Variants in DOCK4 observed in about 807,000 individuals in gnomAD.
The protein encoded by DOCK4 is dedicator of cytokinesis 4.
In DOCK4, 97 loss-of-function variants were observed where a neutral mutation model predicts 268.1. The observed-to-expected ratio is 0.36, with a 90% CI of 0.31 to 0.43. The LOEUF is 0.43. Ranked by LOEUF, DOCK4 falls within the 20% of genes least tolerant of loss-of-function variation. DOCK4 has a pLI of 1.00. For missense variants in DOCK4, 2,145 were observed against 2,455.7 expected, an observed-to-expected ratio of 0.87 and a Z score of 2.67; for synonymous variants, 954 against 887.2, an observed-to-expected ratio of 1.08 and a Z score of -1.34.
intron 7 of DOCK4, among the ~76,000 whole-genome samples, chr7:111,982,213 G>T (rs558152941): frequency 3.7e-4 from 57 of 152,260 alleles, no homozygotes; most frequent in African/African-American, 1.3e-3. Flanking sequence ...AGGTGTTCTT[G>T]GTGATGGAAG....
chr7:112,050,255 T>C lies in DOCK4; in HGVS notation c.38-46124A>G, dbSNP rs148618437. ...ACTGGTCATCTTTGAACCAGTCTTGTTTGTATTTAAGTTTTAAGGGAGGTC... is the reference window on the plus strand; with the variant it reads ...ACTGGTCATCTTTGAACCAGTCTTGCTTGTATTTAAGTTTTAAGGGAGGTC... On this transcript the variant is annotated intron_variant, in intron 1 of 52. Coordinates refer to ENST00000428084, the MANE Select transcript of DOCK4 (RefSeq NM_001363540.2). 2.0e-3 allele frequency among the ~76,000 whole-genome samples: 300 copies of C among 152,214 alleles called. 1 individual carries two copies. Among genetic ancestry groups the C allele is most frequent in the African/African-American group, 6.8e-3 (282 of 41,556 alleles).
At chr7:112,105,731 T>C (rs1293450705) in intron 1 of DOCK4, among the ~76,000 whole-genome samples, 1 of 146,642 alleles carries the variant, frequency 6.8e-6, no homozygotes, top group Non-Finnish European at 1.5e-5. Flanking sequence ...GTCTGTCACC[T>C]AGGCTGGAGT....
chr7:112,186,943 T>C (rs1425247672), intron 1 of DOCK4, among the ~76,000 whole-genome samples: 1 of 152,100 alleles, frequency 6.6e-6, no homozygotes, highest in African/African-American at 2.4e-5. Context: ...AAATAGATTG[T>C]CCAGGGAGGA....
intron 1 of DOCK4, among the ~76,000 whole-genome samples, chr7:112,066,149 C>T (rs1213583693): frequency 6.6e-6 from 1 of 152,132 alleles, no homozygotes; most frequent in African/African-American, 2.4e-5. Flanking sequence ...AGGAAGAGAA[C>T]AGCATTTGAA....
At chr7:112,026,756 T>C (rs993768135) in intron 1 of DOCK4, among the ~76,000 whole-genome samples, 2 of 152,252 alleles carry the variant, frequency 1.3e-5, no homozygotes, top group Non-Finnish European at 2.9e-5. Flanking sequence ...AGAGATTATA[T>C]GGCCCCCAAA....
At chr7:111,732,700 C>A (rs999374097) in intron 51 of DOCK4, among the ~76,000 whole-genome samples, 1 of 152,186 alleles carries the variant, frequency 6.6e-6, no homozygotes, top group South Asian at 2.1e-4. Context: ...ATGGGAACAC[C>A]ATGGCCACCC....
intron 12 of DOCK4, among the ~76,000 whole-genome samples, chr7:111,916,754 CTTCT>C (rs758054757): frequency 1.7e-4 from 26 of 151,858 alleles, no homozygotes; most frequent in Admixed American, 3.3e-4. Context: ...TTTTTCATTC[CTTCT>C]TTGTTTATCT....
intron 23 of DOCK4, among the ~76,000 whole-genome samples, chr7:111,851,769 C>T (rs1256173040): frequency 2.6e-5 from 4 of 151,986 alleles, no homozygotes; most frequent in Non-Finnish European, 4.4e-5. Context: ...GATTGTTTTA[C>T]GGATCATATT....
intron 42 of DOCK4, among the ~76,000 whole-genome samples, chr7:111,752,516 A>G (rs1796728038): frequency 6.6e-6 from 1 of 151,856 alleles, no homozygotes; most frequent in Non-Finnish European, 1.5e-5. Context: ...TTTTTAAAAA[A>G]TCATTTATGG....
At chr7:111,785,184 T>C (rs114607195) in intron 32 of DOCK4, among the ~76,000 whole-genome samples, 261 of 152,302 alleles carry the variant, frequency 1.7e-3, no homozygotes, top group African/African-American at 6.1e-3. Context: ...GAGTGGAAAC[T>C]GCATATGGAA....
At position 111,953,303 on chromosome 7, in the gene DOCK4, G is replaced by A. The variant is rs543228393; in HGVS notation, c.702-7505C>T. The stretch of plus-strand genomic sequence containing the variant: ...AGTAGGTGTGAAGGGAGACACACCA[G>A]AAGCTAAGGGGTGGTAAGATGGACG... On this transcript the variant is annotated intron_variant, in intron 8 of 52. Transcript: ENST00000428084. Among the ~76,000 whole-genome samples the A allele has an allele frequency of 4.6e-5, 7 of 152,230 alleles. No homozygotes were observed. In the South Asian group the frequency reaches 1.5e-3, roughly 32 times the overall value.
intron 8 of DOCK4, 65 bp downstream of exon 8, chr7:111,977,067 G>C: frequency 6.4e-7 from 1 of 1,561,308 alleles, no homozygotes. Flanking sequence ...CTTACAGCTT[G>C]CCAATCACAA....
intron 12 of DOCK4, 51 bp downstream of exon 12, chr7:111,935,489 A>G (rs1375349033): frequency 6.5e-7 from 1 of 1,528,236 alleles, no homozygotes; most frequent in African/African-American, 1.4e-5. Flanking sequence ...AAACAAAAAA[A>G]AGGGCTTGGA....
chr7:111,834,769 C>T (rs1803106910), intron 25 of DOCK4, 83 bp from the exon 26 acceptor site: 3 of 875,550 alleles, frequency 3.4e-6, no homozygotes, highest in East Asian at 2.8e-5. Flanking sequence ...GAACTGTCCT[C>T]AAAGAGAATA....
rs144157856 is a variant in DOCK4, at chr7:112,179,175, C to T, written c.37+26927G>A. ...GCTGAGGCAGGAGGATCTCTTGAGA[C>T]CAGGAGCTCGGGACCAGCCTGGGCA... On this transcript the variant is annotated intron_variant, in intron 1 of 52. Coordinates refer to ENST00000428084, the MANE Select transcript of DOCK4 (RefSeq NM_001363540.2). 6.6e-5 allele frequency among the ~76,000 whole-genome samples: 10 copies of T among 152,220 alleles called. No individual in the cohort carries two copies. In the East Asian group the frequency reaches 1.7e-3, roughly 26 times the overall value.
chr7:112,030,498 G>T (rs1216089688), intron 1 of DOCK4, among the ~76,000 whole-genome samples: 2 of 152,184 alleles, frequency 1.3e-5, no homozygotes, highest in Non-Finnish European at 1.5e-5. Flanking sequence ...CATTGTTGGT[G>T]CAGCTTGCCT....
intron 1 of DOCK4, among the ~76,000 whole-genome samples, chr7:112,074,611 T>C (rs1251513693): frequency 6.6e-6 from 1 of 152,194 alleles, no homozygotes; most frequent in East Asian, 1.9e-4. Flanking sequence ...GATGTTTCCA[T>C]TTTGCCTCTT....
At chr7:111,972,198 A>C (rs945520054) in intron 8 of DOCK4, among the ~76,000 whole-genome samples, 7 of 152,200 alleles carry the variant, frequency 4.6e-5, no homozygotes, top group African/African-American at 1.4e-4. Context: ...GGCCAATAAA[A>C]TCCTGTTTAA....
At chr7:112,113,158 G>C (rs1182276457) in intron 1 of DOCK4, among the ~76,000 whole-genome samples, 1 of 152,216 alleles carries the variant, frequency 6.6e-6, no homozygotes, top group Non-Finnish European at 1.5e-5. Context: ...GAGGCAAAGT[G>C]GGGTGTTGGC....
Sources: gnomAD v4.1 joint callset for allele counts (sites outside exome capture counted in the v4.1 genomes callset) on GRCh38, gnomAD v4.1.1 for gene constraint, MANE v1.5 for transcripts, NCBI Gene and HGNC (gene_info 2026-07-23, HGNC 2026-07-21) for gene names.